The following RAB33A variants were observed in gnomAD, a reference collection of about 807,000 sequenced individuals.
RAB33A encodes the protein RAB33A, member RAS oncogene family.
A neutral mutation model predicts 12.0 loss-of-function variants in RAB33A; 6 were observed. The ratio of observed to expected loss-of-function variants is 0.50; its 90% CI spans 0.27 to 0.99. The LOEUF is 0.99. Among genes scored for constraint, RAB33A ranks in the 50% least tolerant of loss-of-function variants. RAB33A has a pLI of 0.11. For synonymous variants in RAB33A, 70 were observed against 82.4 expected (o/e 0.85, Z 0.81); for missense variants, 109 against 192.0 (o/e 0.57, Z 2.55).
At chrX:130,139,614 T>C in the RAB33A span, among the ~76,000 whole-genome samples, 1 of 110,802 alleles carries the variant, frequency 9.0e-6, no homozygotes, top group African/African-American at 3.3e-5. Flanking sequence ...CTTAAAACCC[T>C]TGAGTGAGGT....
At chrX:130,162,915 G>A in the RAB33A span, among the ~76,000 whole-genome samples, 1 of 111,889 alleles carries the variant, frequency 8.9e-6, no homozygotes, top group Non-Finnish European at 1.9e-5. Flanking sequence ...ATCATCTCTG[G>A]AAGGAGGCAG....
the RAB33A span, among the ~76,000 whole-genome samples, chrX:130,153,090 T>C: frequency 9.5e-6 from 1 of 105,776 alleles, no homozygotes; most frequent in Admixed American, 1.0e-4. Context: ...CCCAGCACTT[T>C]GGGAGGCCGA....
At chrX:130,143,327 C>G in the RAB33A span, among the ~76,000 whole-genome samples, 1 of 112,173 alleles carries the variant, frequency 8.9e-6, no homozygotes, top group South Asian at 3.7e-4. Context: ...ACTTAATGGT[C>G]CAAAACTGAA....
At chrX:130,127,958 G>A in the RAB33A span, among the ~76,000 whole-genome samples, 1 of 111,392 alleles carries the variant, frequency 9.0e-6, no homozygotes, top group Admixed American at 9.5e-5. Context: ...CCCAAGTGCT[G>A]GGATTACAGG....
At chrX:130,171,111 T>A (rs2031600528), upstream of RAB33A, among the ~76,000 whole-genome samples, 1 of 112,855 alleles carries the variant, frequency 8.9e-6, no homozygotes, top group Non-Finnish European at 1.9e-5. Context: ...CCCCCCTACA[T>A]CTGGCAAGTC....
the RAB33A span, among the ~76,000 whole-genome samples, chrX:130,158,598 A>G: frequency 9.2e-6 from 1 of 108,654 alleles, no homozygotes; most frequent in Non-Finnish European, 1.9e-5. Flanking sequence ...CCATCTGTCT[A>G]GAGCAGGTAT....
chrX:130,180,054 G>A (rs1055185311), intron 1 of RAB33A, among the ~76,000 whole-genome samples: 1 of 110,456 alleles, frequency 9.1e-6, no homozygotes, highest in African/African-American at 3.3e-5. Flanking sequence ...GTGAGATTTG[G>A]ATAGGGCAAT....
chrX:130,129,397 T>C, the RAB33A span: 976 of 494,807 alleles, frequency 2.0e-3, 8 homozygotes, highest in African/African-American at 0.021. Flanking sequence ...TTTCACTATG[T>C]GAACATTAAG....
chrX:130,138,660 G>C, the RAB33A span: 1 of 1,209,368 alleles, frequency 8.3e-7, no homozygotes, highest in Non-Finnish European at 1.1e-6. Flanking sequence ...TAATTGATTT[G>C]ACTTCCCGTG....
At chrX:130,149,642 A>G in the RAB33A span, 1 of 750,749 alleles carries the variant, frequency 1.3e-6, no homozygotes. Context: ...TTATCTTTCA[A>G]TTAAATGAGA....
chrX:130,139,834 A>T, the RAB33A span: 16 of 1,211,530 alleles, frequency 1.3e-5, no homozygotes, highest in Non-Finnish European at 1.8e-5. Context: ...CCTCTGCTCC[A>T]GCCCTATCAA....
chrX:130,174,479 G>A (rs756033947), intron 1 of RAB33A, among the ~76,000 whole-genome samples: 13 of 112,306 alleles, frequency 1.2e-4, no homozygotes, highest in Non-Finnish European at 2.4e-4. Context: ...GCAGAGCCTG[G>A]CGGCTAGCAC....
At chrX:130,143,403 C>T in the RAB33A span, among the ~76,000 whole-genome samples, 4 of 111,971 alleles carry the variant, frequency 3.6e-5, no homozygotes, top group African/African-American at 1.3e-4. Flanking sequence ...GGTACACTGC[C>T]ATCCACTCAG....
At chrX:130,113,131 AGTGC>A in the RAB33A span, among the ~76,000 whole-genome samples, 1 of 74,420 alleles carries the variant, frequency 1.3e-5, no homozygotes, top group African/African-American at 5.7e-5. Flanking sequence ...CCCAGACTGG[AGTGC>A]AGTGGCGCGA....
intron 1 of RAB33A, among the ~76,000 whole-genome samples, chrX:130,180,540 C>G (rs899242759): frequency 2.5e-4 from 28 of 111,059 alleles, no homozygotes; most frequent in Non-Finnish European, 5.3e-4. Context: ...CTGCAAGCTC[C>G]GTCTTCCGGG....
intron 1 of RAB33A, among the ~76,000 whole-genome samples, chrX:130,174,522 C>T (rs1273193698): frequency 8.9e-6 from 1 of 112,570 alleles, no homozygotes; most frequent in Non-Finnish European, 1.9e-5. Flanking sequence ...TGGCCTCGCA[C>T]TCTGGCTAGC....
chrX:130,158,190 G>T, the RAB33A span, among the ~76,000 whole-genome samples: 1 of 111,203 alleles, frequency 9.0e-6, no homozygotes, highest in East Asian at 2.8e-4. Flanking sequence ...CTTGAACCCA[G>T]GAGGCGGAGG....
chrX:130,144,704 T>C, the RAB33A span, among the ~76,000 whole-genome samples: 1 of 111,935 alleles, frequency 8.9e-6, no homozygotes, highest in South Asian at 3.8e-4. Context: ...TCTCTCTTAC[T>C]ACACACCTAT....
At chrX:130,179,974 G>A (rs937799093) in intron 1 of RAB33A, among the ~76,000 whole-genome samples, 3 of 109,275 alleles carry the variant, frequency 2.7e-5, no homozygotes, top group African/African-American at 1.0e-4. Flanking sequence ...CCTAAGAAAA[G>A]AGAATTGAAG....
Sources: allele counts gnomAD v4.1 joint callset (sites outside exome capture counted in the v4.1 genomes callset), GRCh38; gene constraint gnomAD v4.1.1; transcripts MANE v1.5; gene names NCBI Gene and HGNC (gene_info 2026-07-23, HGNC 2026-07-21).